ATG4A: variants seen among roughly 807,000 people sequenced by gnomAD.
ATG4A encodes the protein autophagy related 4A cysteine peptidase, also known as cysteine protease ATG4A.
ATG4A carries 22 observed loss-of-function variants against 38.4 expected under a neutral mutation model. That is an observed-to-expected ratio of 0.57 (90% CI 0.41 to 0.82). The LOEUF (loss-of-function observed/expected upper bound fraction) is 0.82. Ranked by LOEUF, ATG4A falls within the 40% of genes least tolerant of loss-of-function variation. The pLI, the probability that ATG4A is intolerant of heterozygous loss-of-function variation, is 0.00. For synonymous variants in ATG4A, 86 were observed against 100.7 expected (o/e 0.85, Z 0.88); for missense variants, 220 against 290.0 (o/e 0.76, Z 1.75).
intron 9 of ATG4A, among the ~76,000 whole-genome samples, chrX:108,140,989 T>C (rs1422513984): frequency 1.2e-5 from 1 of 86,293 alleles, no homozygotes; most frequent in Non-Finnish European, 2.1e-5. Context: ...TATATATACG[T>C]ATATATATAC....
chrX:108,139,225 G>A (rs2033177189), intron 9 of ATG4A, among the ~76,000 whole-genome samples: 1 of 111,768 alleles, frequency 8.9e-6, no homozygotes, highest in African/African-American at 3.3e-5. Context: ...ACAGACACAC[G>A]TGGCTTTGCA....
In ATG4A at chrX:108,112,538, C is replaced by T. The variant is rs1455293594; in HGVS notation, c.11-13539C>T. 3.6e-5 allele frequency among the ~76,000 whole-genome samples: 4 copies of T among 110,026 alleles called. No individual in the cohort carries two copies. In the South Asian group the frequency reaches 1.6e-3, roughly 44 times the overall value. On this transcript the variant is annotated intron_variant, in intron 1 of 12. Coordinates refer to ENST00000372232, the MANE Select transcript of ATG4A (RefSeq NM_052936.5). ...TCCTCAGTAGCTGGGATTACAGGCG[C>T]CCGGCACTACGCCCGGCTAATTTTT... is the stretch of plus-strand genomic sequence containing the variant.
At chrX:108,107,435 C>T (rs1181046053) in intron 1 of ATG4A, among the ~76,000 whole-genome samples, 2 of 111,921 alleles carry the variant, frequency 1.8e-5, no homozygotes, top group Non-Finnish European at 3.8e-5. Flanking sequence ...TCAGCATGTT[C>T]GTAATTGCTT....
At chrX:108,131,174 G>A (rs1402193536) in intron 3 of ATG4A, 86 bp from the exon 4 acceptor site, 2 of 825,455 alleles carry the variant, frequency 2.4e-6, no homozygotes, top group African/African-American at 4.1e-5. Flanking sequence ...ATATTTACCT[G>A]TCTTGTGTGA....
rs375362271 is a variant in ATG4A at position 108,131,240 on chromosome X, C to A, written c.194-20C>A. On this transcript the variant is annotated intron_variant, in intron 3 of 12. Coordinates refer to ENST00000372232, the MANE Select transcript of ATG4A (RefSeq NM_052936.5). ...GCAATTTGAGGAACCCATATTAATT[C>A]CCTTCCATTTTGCCAACAGGTGGAA... 4.2e-6 allele frequency: 5 copies of A among 1,197,988 alleles called. No homozygotes were observed. The African/African-American group carries it at 8.8e-5, about 21-fold the overall frequency.
At chrX:108,100,012 A>G (rs1350670298) in intron 1 of ATG4A, among the ~76,000 whole-genome samples, 1 of 111,905 alleles carries the variant, frequency 8.9e-6, no homozygotes, top group Non-Finnish European at 1.9e-5. Context: ...AGATATTGAT[A>G]GGAATTGTAT....
rs145869679 is a variant in ATG4A, at chrX:108,131,294, A to T, written c.228A>T (p.Gly76=). 94 of 1,210,126 alleles carry T rather than the reference A, an allele frequency of 7.8e-5. No individual in the cohort carries two copies. The African/African-American group carries it at 1.5e-3, about 19-fold the overall frequency. ...GCCCTTCATCAGATGCTGGTTGGGG[A>T]TGTATGCTACGCTGTGGACAGATGA... ...GTGPSSDAGW[G]CMLRCGQMML... Residue 76 remains glycine (G), a synonymous_variant, in exon 4 of 13, where the codon GGA becomes GGT. Coordinates refer to ENST00000372232, the MANE Select transcript of ATG4A (RefSeq NM_052936.5).
rs1170929940 is a variant in ATG4A at position 108,153,034 on chromosome X, A to G, written c.1073A>G (p.His358Arg). The G allele has an allele frequency of 8.3e-7, 1 of 1,210,113 alleles. No individual in the cohort carries two copies. The highest frequency in any genetic ancestry group is 1.1e-6 in the Non-Finnish European group (1 of 895,157). The change falls in exon 12 of 13, where the codon CAC becomes CGC. Residue 358 changes from histidine to arginine, a missense_variant. By Grantham distance (29) the His-to-Arg change is conservative. Around this residue, in one of 3 missense-constraint regions of ATG4A, gnomAD observed 159 missense variants for 188.9 expected, o/e 0.84. Transcript: ENST00000372232. ...GAATTAGTTCAGAAACATCCATCAC[A>G]CTGGCCTCCCTTTGTACCTCCAGCC... ...MFELVQKHPS[H>R]WPPFVPPAKP...
chrX:108,098,456 C>T (rs1356376412), intron 1 of ATG4A, among the ~76,000 whole-genome samples: 6 of 111,585 alleles, frequency 5.4e-5, no homozygotes, highest in Non-Finnish European at 3.8e-5. Flanking sequence ...ATCTGAGTTA[C>T]TTCAATCATT....
At chrX:108,140,978 A>G (rs920521239) in intron 9 of ATG4A, among the ~76,000 whole-genome samples, 4 of 88,886 alleles carry the variant, frequency 4.5e-5, no homozygotes, top group East Asian at 6.4e-4. Flanking sequence ...ATATATACAC[A>G]TATATATACG....
intron 9 of ATG4A, among the ~76,000 whole-genome samples, chrX:108,141,077 T>C (rs1602668319): frequency 1.6e-5 from 1 of 63,711 alleles, no homozygotes; most frequent in Admixed American, 1.9e-4. Flanking sequence ...TATACATATA[T>C]ATATATATAT....
chrX:108,091,334 A>C, upstream of ATG4A: 1 of 984,707 alleles, frequency 1.0e-6, no homozygotes, highest in Non-Finnish European at 1.4e-6. Flanking sequence ...GGCCTCCGCT[A>C]GGGCCGGGCC....
chrX:108,092,199 G>A (rs953735410), intron 1 of ATG4A, among the ~76,000 whole-genome samples: 7 of 111,615 alleles, frequency 6.3e-5, no homozygotes, highest in Admixed American at 3.8e-4. Flanking sequence ...ATGTGCCAGG[G>A]TGATGCCAAA....
Position 108,137,105 on chromosome X carries a change from T to G in ATG4A, c.482T>G (p.Phe161Cys). ...TTGCTTTGCAGAAAACTTGCTTTAT[T>G]TGACGAATGGAATTCCTTGGCTGTT... ...VAQVLKKLAL[F>C]DEWNSLAVYV... is the part of the protein sequence containing the mutation. The change falls in exon 7 of 13, where the codon TTT becomes TGT. Residue 161 changes from phenylalanine (F) to cysteine (C), a missense_variant. Coordinates refer to ENST00000372232, the MANE Select transcript of ATG4A (RefSeq NM_052936.5). 5 of 1,207,286 alleles carry G rather than the reference T, an allele frequency of 4.1e-6. No homozygotes were observed. Among genetic ancestry groups the G allele is most frequent in the Non-Finnish European group, 5.6e-6 (5 of 892,491 alleles).
At chrX:108,091,484 G>C (rs1422204248), upstream of ATG4A, 1 of 1,212,399 alleles carries the variant, frequency 8.2e-7, no homozygotes. Flanking sequence ...CTGTAGGCCA[G>C]GTTGCAGACC....
At chrX:108,105,033 CAT>C (rs1407528928) in intron 1 of ATG4A, among the ~76,000 whole-genome samples, 1 of 109,609 alleles carries the variant, frequency 9.1e-6, no homozygotes, top group Non-Finnish European at 1.9e-5. Context: ...TTTTTGAACT[CAT>C]AGATGGCATC....
At chrX:108,149,390 A>C (rs1416097442) in intron 9 of ATG4A, among the ~76,000 whole-genome samples, 1 of 112,624 alleles carries the variant, frequency 8.9e-6, no homozygotes, top group African/African-American at 3.2e-5. Flanking sequence ...CAAAGCAGAA[A>C]TTTTATTATC....
At chrX:108,146,965 A>T (rs935569745) in intron 9 of ATG4A, among the ~76,000 whole-genome samples, 1 of 111,785 alleles carries the variant, frequency 8.9e-6, no homozygotes, top group Admixed American at 9.5e-5. Flanking sequence ...CCATTATCCC[A>T]CACCCTTAAT....
chrX:108,150,082 T>C (rs1264351455), intron 9 of ATG4A, 70 bp from the exon 10 acceptor site: 1 of 1,119,850 alleles, frequency 8.9e-7, no homozygotes, highest in African/African-American at 2.1e-5. Flanking sequence ...CCAGAGTGCC[T>C]CCTCCCAACA....
Sources: gnomAD v4.1 joint callset for allele counts (sites outside exome capture counted in the v4.1 genomes callset) on GRCh38, gnomAD v4.1.1 for gene constraint, gnomAD v4.1.1 regional missense constraint, MANE v1.5 for transcripts, NCBI Gene and HGNC (gene_info 2026-07-23, HGNC 2026-07-21) for gene names.